CLPB: variants seen among roughly 807,000 people sequenced by gnomAD.
CLPB encodes the protein ClpB family mitochondrial disaggregase.
In CLPB, 40 loss-of-function variants were observed where a neutral mutation model predicts 78.4. The observed-to-expected ratio is 0.51, with a 90% CI of 0.40 to 0.66. CLPB has a LOEUF of 0.66. Among genes scored for constraint, CLPB ranks in the 30% least tolerant of loss-of-function variants. CLPB has a pLI of 0.00. For missense variants in CLPB, 780 were observed against 886.9 expected, an observed-to-expected ratio of 0.88 and a Z score of 1.53; for synonymous variants, 333 against 348.0, an observed-to-expected ratio of 0.96 and a Z score of 0.48.
intron 3 of CLPB, among the ~76,000 whole-genome samples, chr11:72,393,346 C>T (rs372507180): frequency 2.0e-5 from 3 of 152,052 alleles, no homozygotes; most frequent in Admixed American, 6.6e-5. Context: ...CTCTTAGACT[C>T]GGGTGAAAAT....
chr11:72,316,810 CG>C (rs1949950945), intron 7 of CLPB, among the ~76,000 whole-genome samples: 1 of 152,118 alleles, frequency 6.6e-6, no homozygotes, highest in Non-Finnish European at 1.5e-5. Flanking sequence ...GACCAGATGA[CG>C]GTCAGAGTTA....
At chr11:72,330,911 G>A (rs1019937779) in intron 5 of CLPB, among the ~76,000 whole-genome samples, 6 of 152,116 alleles carry the variant, frequency 3.9e-5, no homozygotes, top group Admixed American at 1.3e-4. Context: ...GGGCTGGCTG[G>A]GAAACCAATT....
rs149474019 is a variant in CLPB, at chr11:72,412,709, A to G, written c.456-9657T>C. ...ATGGGTGCTGAGATGACCAAAGGAA[A>G]TAATGTTTGTGAGGGCACTTACATT... On this transcript the variant is annotated intron_variant, in intron 2 of 15. Transcript: ENST00000538039. Among the ~76,000 whole-genome samples, 464 of 152,328 alleles carry G rather than the reference A, an allele frequency of 3.0e-3. 2 individuals carry two copies. The highest frequency in any genetic ancestry group is 4.1e-3 in the Non-Finnish European group (280 of 68,024).
chr11:72,386,456 G>C (rs1038214955), intron 3 of CLPB, among the ~76,000 whole-genome samples: 1 of 152,166 alleles, frequency 6.6e-6, no homozygotes, highest in African/African-American at 2.4e-5. Context: ...TTCCTTGATA[G>C]TTTTTTAGTA....
chr11:72,379,970 C>A (rs945863995), intron 4 of CLPB, among the ~76,000 whole-genome samples: 38 of 152,232 alleles, frequency 2.5e-4, no homozygotes, highest in African/African-American at 8.7e-4. Flanking sequence ...GTTGTCCACT[C>A]ATCTGCGGCT....
At chr11:72,317,043 TGAC>T in intron 7 of CLPB, 60 bp downstream of exon 7, 2 of 1,130,818 alleles carry the variant, frequency 1.8e-6, no homozygotes, top group East Asian at 5.1e-5. Context: ...TCCAGTTTGG[TGAC>T]GACAGGATGT....
chr11:72,358,763 T>G, intron 5 of CLPB, 117 bp downstream of exon 5: 3 of 825,452 alleles, frequency 3.6e-6, no homozygotes, highest in Non-Finnish European at 5.6e-6. Flanking sequence ...TCCAGAATAG[T>G]GAGGCTGCCA....
rs1174256418 is a variant in CLPB, at chr11:72,348,132, C to T, written c.775+10748G>A. Among the ~76,000 whole-genome samples the T allele has an allele frequency of 3.3e-5, 5 of 152,316 alleles. No individual in the cohort carries two copies. The East Asian group carries it at 9.6e-4, about 29-fold the overall frequency. Reference sequence around the variant, plus strand: ...TTTTAAGCCACTAAGTTTGTGATAACTTGTTACAGCAGCAATAGGGATGAT... The same window carrying T: ...TTTTAAGCCACTAAGTTTGTGATAATTTGTTACAGCAGCAATAGGGATGAT... On this transcript the variant is annotated intron_variant, in intron 5 of 15. Transcript: ENST00000538039.
chr11:72,431,644 C>G (rs374613737), intron 1 of CLPB, among the ~76,000 whole-genome samples: 14 of 152,306 alleles, frequency 9.2e-5, no homozygotes, highest in African/African-American at 3.1e-4. Flanking sequence ...ATGGCTCAGA[C>G]AGCCACCAGC....
At chr11:72,318,600 C>T (rs546216627) in intron 6 of CLPB, among the ~76,000 whole-genome samples, 8 of 152,172 alleles carry the variant, frequency 5.3e-5, no homozygotes, top group South Asian at 4.1e-4. Context: ...ATTGCTCTTG[C>T]GGGCAGAGTG....
rs532663731 is a variant in CLPB, at chr11:72,428,589, T to C, written c.455+1723A>G. ...CCTGGCTCTGTGGTCTTGTATGAGA[T>C]GGGGGCTGAGGGCAGGTCTGTGCCT... On this transcript the variant is annotated intron_variant, in intron 2 of 15. Coordinates refer to ENST00000538039, the MANE Select transcript of CLPB (RefSeq NM_001258392.3). Among the ~76,000 whole-genome samples, 7 of 152,316 alleles carry C rather than the reference T, an allele frequency of 4.6e-5. No homozygotes were observed. In the East Asian group the frequency reaches 1.2e-3, roughly 25 times the overall value.
chr11:72,317,202 T>C lies in CLPB; in HGVS notation c.892A>G (p.Lys298Glu). ...SEAKYQEKQR[K>E]REAEERRRFP... ...CGGCGCCGCTCCTCAGCCTCACGCT[T>C]CCGCTGCTTCTCTTGGTACTGTGGG... The change falls in exon 7 of 16, where the codon AAG becomes GAG. Residue 298 changes from lysine to glutamate, a missense_variant. Physicochemically the swap from Lys to Glu is moderately conservative, Grantham distance 56 (BLOSUM62 1). Transcript: ENST00000538039. The C allele has an allele frequency of 6.2e-7, 1 of 1,611,166 alleles. No individual in the cohort carries two copies. The highest frequency in any genetic ancestry group is 8.5e-7 in the Non-Finnish European group (1 of 1,179,026).
At chr11:72,393,650 A>C (rs1018061573) in intron 3 of CLPB, among the ~76,000 whole-genome samples, 7 of 152,304 alleles carry the variant, frequency 4.6e-5, no homozygotes, top group South Asian at 2.1e-4. Flanking sequence ...CTCCACACAC[A>C]TAGGGCCTAT....
chr11:72,379,819 G>C (rs1466157367), intron 4 of CLPB, among the ~76,000 whole-genome samples: 1 of 152,202 alleles, frequency 6.6e-6, no homozygotes, highest in African/African-American at 2.4e-5. Context: ...AGTATTTAGG[G>C]ACTTCTGAGG....
intron 2 of CLPB, among the ~76,000 whole-genome samples, chr11:72,403,871 A>G (rs1855631425): frequency 6.6e-6 from 1 of 152,234 alleles, no homozygotes; most frequent in South Asian, 2.1e-4. Context: ...AGGGGTGGGT[A>G]AATAGAATGA....
chr11:72,346,238 A>G (rs935798486), intron 5 of CLPB, among the ~76,000 whole-genome samples: 1 of 152,206 alleles, frequency 6.6e-6, no homozygotes, highest in Non-Finnish European at 1.5e-5. Flanking sequence ...CCTGGACAAC[A>G]TAGCTAGATG....
At chr11:72,320,869 C>T (rs189365291) in intron 6 of CLPB, among the ~76,000 whole-genome samples, 123 of 152,210 alleles carry the variant, frequency 8.1e-4, no homozygotes, top group African/African-American at 2.7e-3. Flanking sequence ...CCCACCACCA[C>T]GCCCAGCTAG....
At chr11:72,419,729 C>T (rs1476965357) in intron 2 of CLPB, among the ~76,000 whole-genome samples, 1 of 152,194 alleles carries the variant, frequency 6.6e-6, no homozygotes, top group East Asian at 1.9e-4. Context: ...TCTTCCTTAT[C>T]CTTCAATTCC....
chr11:72,323,850 C>G (rs890479378), intron 6 of CLPB, among the ~76,000 whole-genome samples: 1 of 151,838 alleles, frequency 6.6e-6, no homozygotes, highest in African/African-American at 2.4e-5. Flanking sequence ...TACTGAGGTT[C>G]TGTAAGAAAA....
Sources: allele counts gnomAD v4.1 joint callset (sites outside exome capture counted in the v4.1 genomes callset), GRCh38; gene constraint gnomAD v4.1.1; transcripts MANE v1.5; gene names NCBI Gene and HGNC (gene_info 2026-07-23, HGNC 2026-07-21).